The following PTPN21 variants were observed in gnomAD, a reference collection of about 807,000 sequenced individuals.
PTPN21 encodes the protein protein tyrosine phosphatase non-receptor type 21, also known as tyrosine-protein phosphatase non-receptor type 21.
In PTPN21, 77 loss-of-function variants were observed where a neutral mutation model predicts 131.8. The ratio of observed to expected loss-of-function variants is 0.58; its 90% CI spans 0.49 to 0.71. The LOEUF (loss-of-function observed/expected upper bound fraction) is 0.71. PTPN21 is among the 30% of genes least tolerant of loss of function. The probability of loss-of-function intolerance (pLI) is 0.00; values close to 1 mark genes in which losing one functional copy is unlikely to be tolerated. For synonymous variants in PTPN21, 715 were observed against 621.3 expected (o/e 1.15, Z -2.24); for missense variants, 1,552 against 1,527.1 (o/e 1.02, Z -0.27).
At chr14:88,527,930 T>C (rs982122408) in intron 2 of PTPN21, among the ~76,000 whole-genome samples, 1 of 152,176 alleles carries the variant, frequency 6.6e-6, no homozygotes, top group Non-Finnish European at 1.5e-5. Context: ...CCACTTTATG[T>C]TTTTGTTTCC....
chr14:88,468,222 C>A lies in PTPN21; in HGVS notation c.3440G>T (p.Arg1147Ile). Reference sequence around the variant, plus strand: ...GCAGAGAGTCTGCACCAGCATCATTCTCTGTTGCCTCAGCATGTCCAGCAC... The same window carrying A: ...GCAGAGAGTCTGCACCAGCATCATTATCTGTTGCCTCAGCATGTCCAGCAC... Reference protein sequence around the residue: ...PRVLDMLRQQRMMLVQTLCQY... With the variant: ...PRVLDMLRQQIMMLVQTLCQY... The change falls in exon 19 of 19, where the codon AGA becomes ATA. Residue 1147 changes from arginine to isoleucine, a missense_variant. Coordinates refer to ENST00000556564, the MANE Select transcript of PTPN21 (RefSeq NM_007039.4). The A allele has an allele frequency of 6.2e-7, 1 of 1,610,582 alleles. No homozygotes were observed. Among genetic ancestry groups the A allele is most frequent in the East Asian group, 2.2e-5 (1 of 44,856 alleles).
At chr14:88,507,832 TATAG>T (rs2078115711) in intron 4 of PTPN21, 87 bp downstream of exon 4, 2 of 718,860 alleles carry the variant, frequency 2.8e-6, no homozygotes, top group South Asian at 2.1e-5. Context: ...TAAAGATGTA[TATAG>T]ATAGATAACT....
At chr14:88,553,683 T>C (rs1287692166) in intron 1 of PTPN21, among the ~76,000 whole-genome samples, 1 of 151,854 alleles carries the variant, frequency 6.6e-6, no homozygotes, top group East Asian at 1.9e-4. Flanking sequence ...TCTGCTTCAG[T>C]ACAAGTTTAC....
intron 2 of PTPN21, among the ~76,000 whole-genome samples, chr14:88,537,921 T>G (rs1366380781): frequency 6.6e-6 from 1 of 152,146 alleles, no homozygotes; most frequent in African/African-American, 2.4e-5. Context: ...CAATGGTATT[T>G]GTGTATCTAC....
chr14:88,483,910 G>GGATA (rs1272461197), intron 12 of PTPN21, among the ~76,000 whole-genome samples: 1 of 152,152 alleles, frequency 6.6e-6, no homozygotes, highest in Non-Finnish European at 1.5e-5. Context: ...AGAGGCAGGA[G>GGATA]GATAGCTTGG....
intron 9 of PTPN21, 52 bp from the exon 10 acceptor site, chr14:88,496,544 T>C: frequency 1.5e-6 from 2 of 1,352,086 alleles, no homozygotes; most frequent in Non-Finnish European, 2.1e-6. Flanking sequence ...TACAACTTGA[T>C]ACGTTTAATG....
intron 13 of PTPN21, among the ~76,000 whole-genome samples, chr14:88,474,366 G>C (rs2077519498): frequency 6.6e-6 from 1 of 151,940 alleles, no homozygotes; most frequent in Non-Finnish European, 1.5e-5. Context: ...ATCTTTGTGT[G>C]TTTTGTAGAG....
intron 2 of PTPN21, among the ~76,000 whole-genome samples, chr14:88,522,407 G>A (rs2078408629): frequency 7.0e-6 from 1 of 142,506 alleles, no homozygotes; most frequent in Admixed American, 7.2e-5. Flanking sequence ...TCCAGCCTGG[G>A]CGACAGAGCA....
At chr14:88,488,307 T>G (rs1231953989) in intron 10 of PTPN21, among the ~76,000 whole-genome samples, 1 of 147,048 alleles carries the variant, frequency 6.8e-6, no homozygotes, top group African/African-American at 2.6e-5. Flanking sequence ...ACTGAGAGCT[T>G]ATCTTGGCGC....
rs550026513 is a variant in PTPN21 at position 88,538,477 on chromosome 14, A to G, written c.180+11761T>C. On this transcript the variant is annotated intron_variant, in intron 2 of 18. Coordinates refer to ENST00000556564, the MANE Select transcript of PTPN21 (RefSeq NM_007039.4). ...CCCTAAACACCCTGGGGATTCCCCA[A>G]CAGTGTCTTGCGGGCCTAATGACAC... Among the ~76,000 whole-genome samples the G allele has an allele frequency of 3.9e-4, 59 of 152,346 alleles. 1 individual carries two copies. Among genetic ancestry groups the G allele is most frequent in the African/African-American group, 1.4e-3 (57 of 41,574 alleles).
intron 11 of PTPN21, 22 bp downstream of exon 11, chr14:88,485,760 T>C (rs771756748): frequency 1.9e-6 from 3 of 1,544,062 alleles, no homozygotes; most frequent in East Asian, 2.2e-5. Flanking sequence ...AAAAAAGCAA[T>C]CATATTTTCC....
At chr14:88,550,184 GATT>G in intron 2 of PTPN21, 51 bp downstream of exon 2, 1 of 1,548,176 alleles carries the variant, frequency 6.5e-7, no homozygotes, top group Non-Finnish European at 8.8e-7. Context: ...AAAGTGCTGG[GATT>G]ACAGGCTTGA....
chr14:88,504,559 G>T, intron 5 of PTPN21, 64 bp from the exon 6 acceptor site: 4 of 1,328,398 alleles, frequency 3.0e-6, no homozygotes, highest in South Asian at 2.4e-5. Flanking sequence ...AGGAATCATG[G>T]CCATTGACTG....
chr14:88,508,155 T>G (rs1232075397), intron 3 of PTPN21, 135 bp from the exon 4 acceptor site: 11,734 of 463,658 alleles, frequency 0.025, 23 homozygotes, highest in East Asian at 0.048. Context: ...TGTGTGTTTT[T>G]TTTTTTTTTT....
chr14:88,478,940 C>T lies in PTPN21; in HGVS notation c.2491G>A (p.Glu831Lys). ...CTTACCCCTAGAGGCGGGAGCCCTTCCACGATGTTCTTCTTCCCAGAGAGA... is the reference window on the plus strand; with the variant it reads ...CTTACCCCTAGAGGCGGGAGCCCTTTCACGATGTTCTTCTTCCCAGAGAGA... Reference protein sequence around the residue: ...DLLSGKKNIVEGLPPLGGMKK... With the variant: ...DLLSGKKNIVKGLPPLGGMKK... Residue 831 changes from glutamate to lysine, a missense_variant, in exon 13 of 19, where the codon GAA becomes AAA. Physicochemically the swap from Glu to Lys is moderately conservative, Grantham distance 56. Around this residue, in one of 4 missense-constraint regions of PTPN21, gnomAD observed 1,016 missense variants for 883.5 expected, o/e 1.15. Coordinates refer to ENST00000556564, the MANE Select transcript of PTPN21 (RefSeq NM_007039.4). 1 of 1,512,686 alleles carries T rather than the reference C, an allele frequency of 6.6e-7. No homozygotes were observed. Among genetic ancestry groups the T allele is most frequent in the South Asian group, 1.3e-5 (1 of 76,130 alleles). The allele number at this position is 1,512,686 out of a possible 1,614,324, so 93.7% of individuals were successfully genotyped here. A position where few individuals can be genotyped will look rare whatever the true frequency, so the allele number is the denominator to read the frequency against.
intron 13 of PTPN21, among the ~76,000 whole-genome samples, chr14:88,477,191 C>G (rs2077558500): frequency 6.6e-6 from 1 of 152,160 alleles, no homozygotes; most frequent in African/African-American, 2.4e-5. Flanking sequence ...TTGGCCTTTA[C>G]TGTTCAGGGA....
At chr14:88,496,870 A>G (rs1414210605) in intron 9 of PTPN21, among the ~76,000 whole-genome samples, 1 of 152,196 alleles carries the variant, frequency 6.6e-6, no homozygotes, top group East Asian at 1.9e-4. Context: ...GTAACTGTTA[A>G]ATAACATTTC....
At position 88,501,502 on chromosome 14, in the gene PTPN21, G is replaced by A. The variant is rs1319805902; in HGVS notation, c.588-134C>T. The A allele has an allele frequency of 6.6e-6, 5 of 758,468 alleles. No homozygotes were observed. The African/African-American group carries it at 7.0e-5, about 11-fold the overall frequency. The allele number at this position is 758,468 out of a possible 1,614,324, so 47.0% of individuals were successfully genotyped here. ...TTCACGTTTCTAAGCATCTATAATT[G>A]GCTATATCAATCTTGCTATTTACTG... On this transcript the variant is annotated intron_variant, in intron 6 of 18. Transcript: ENST00000556564.
In PTPN21 at chr14:88,479,627, A is replaced by G; in HGVS notation, c.1804T>C (p.Ser602Pro). ...CTGTCCTCCTGGAACGTTTGCACCG[A>G]GTGGTGCACGCGCCGCGTGATGAGG... Reference protein sequence around the residue: ...PDLITRRVHHSVQTFQEDSLP... With the variant: ...PDLITRRVHHPVQTFQEDSLP... Residue 602 changes from serine (S) to proline (P), a missense_variant, in exon 13 of 19, where the codon TCG becomes CCG. Physicochemically the swap from Ser to Pro is moderately conservative, Grantham distance 74. Around this residue, in one of 4 missense-constraint regions of PTPN21, gnomAD observed 1,016 missense variants for 883.5 expected, o/e 1.15. Coordinates refer to ENST00000556564, the MANE Select transcript of PTPN21 (RefSeq NM_007039.4). 1.9e-6 allele frequency: 3 copies of G among 1,561,922 alleles called. No homozygotes were observed. Among genetic ancestry groups the G allele is most frequent in the East Asian group, 2.3e-5 (1 of 43,854 alleles).
Sources: allele counts gnomAD v4.1 joint callset (sites outside exome capture counted in the v4.1 genomes callset), GRCh38; gene constraint gnomAD v4.1.1; regional missense constraint gnomAD v4.1.1; transcripts MANE v1.5; gene names NCBI Gene and HGNC (gene_info 2026-07-23, HGNC 2026-07-21).